FRMD4B: variants seen among roughly 807,000 people sequenced by gnomAD.
FRMD4B encodes the protein FERM domain containing 4B.
A neutral mutation model predicts 141.5 loss-of-function variants in FRMD4B; 74 were observed. That is an observed-to-expected ratio of 0.52 (90% CI 0.43 to 0.63). The LOEUF (loss-of-function observed/expected upper bound fraction) is 0.63, where lower values mean the gene tolerates loss of function less well. FRMD4B is among the 30% of genes least tolerant of loss of function. The pLI is 0.00. For missense variants in FRMD4B, 1,366 were observed against 1,253.4 expected (o/e 1.09, Z -1.36); for synonymous variants, 506 against 467.9 (o/e 1.08, Z -1.05).
chr3:69,517,835 A>G (rs1436793612), intron 1 of FRMD4B, among the ~76,000 whole-genome samples: 6 of 152,318 alleles, frequency 3.9e-5, no homozygotes, highest in Non-Finnish European at 7.3e-5. Context: ...TGCACATGGT[A>G]TAAGAAACCC....
At chr3:69,354,263 A>T (rs1203996334) in intron 1 of FRMD4B, among the ~76,000 whole-genome samples, 1 of 152,204 alleles carries the variant, frequency 6.6e-6, no homozygotes, top group Admixed American at 6.6e-5. Context: ...TCATTCAGTG[A>T]ATAGGAAATA....
chr3:69,391,187 A>G (rs1341974300), intron 2 of FRMD4B, among the ~76,000 whole-genome samples: 1 of 151,760 alleles, frequency 6.6e-6, no homozygotes, highest in Non-Finnish European at 1.5e-5. Flanking sequence ...CATAACAACT[A>G]TTAATATTTT....
At chr3:69,172,627 G>T (rs566327741) in intron 22 of FRMD4B, among the ~76,000 whole-genome samples, 4 of 152,216 alleles carry the variant, frequency 2.6e-5, no homozygotes, top group Admixed American at 6.5e-5. Context: ...AGGTGGCAGG[G>T]GCACATAGGG....
At chr3:69,226,074 C>T (rs923194114) in intron 7 of FRMD4B, among the ~76,000 whole-genome samples, 6 of 152,144 alleles carry the variant, frequency 3.9e-5, no homozygotes, top group East Asian at 1.9e-4. Context: ...TTTAAGTAGA[C>T]GAGCCCCCCA....
At chr3:69,322,581 T>A (rs1485714394) in intron 1 of FRMD4B, among the ~76,000 whole-genome samples, 3 of 132,864 alleles carry the variant, frequency 2.3e-5, no homozygotes, top group African/African-American at 7.9e-5. Context: ...ATTGTTTAGA[T>A]TTTTCTCTCT....
chr3:69,314,138 CAAAAAAAAAAAAAAAAAAAAAA>C (rs57956106), intron 1 of FRMD4B, among the ~76,000 whole-genome samples: 1 of 13,166 alleles, frequency 7.6e-5, no homozygotes, highest in Non-Finnish European at 1.2e-4. Context: ...GACTCCGTCT[CAAAAAAAAAAAAAAAAAAAAAA>C]AAAAAAAAAA....
intron 1 of FRMD4B, among the ~76,000 whole-genome samples, chr3:69,330,142 T>G (rs1272570702): frequency 6.6e-6 from 1 of 151,988 alleles, no homozygotes; most frequent in Non-Finnish European, 1.5e-5. Context: ...GCTTAGCTCA[T>G]CCTGGGGCTC....
chr3:69,226,423 TA>T (rs1178567710), intron 7 of FRMD4B, among the ~76,000 whole-genome samples: 1 of 83,168 alleles, frequency 1.2e-5, no homozygotes, highest in Non-Finnish European at 2.4e-5. Flanking sequence ...ATACCACATT[TA>T]CTTTTTTTTT....
chr3:69,350,545 T>C (rs920919473), intron 1 of FRMD4B, among the ~76,000 whole-genome samples: 1 of 152,154 alleles, frequency 6.6e-6, no homozygotes, highest in African/African-American at 2.4e-5. Flanking sequence ...TGTGACACTA[T>C]TCACAATAGC....
chr3:69,234,717 T>C (rs2093332975), intron 7 of FRMD4B, among the ~76,000 whole-genome samples: 1 of 152,162 alleles, frequency 6.6e-6, no homozygotes, highest in African/African-American at 2.4e-5. Context: ...GCATCAACAT[T>C]ATCGGATGAC....
intron 12 of FRMD4B, chr3:69,198,414 A>T (rs1000506818): frequency 1.0e-5 from 4 of 381,144 alleles, no homozygotes; most frequent in African/African-American, 2.0e-5. Context: ...TAAACTATAC[A>T]TGCACACAAA....
At chr3:69,302,844 G>A (rs1249873897) in intron 3 of FRMD4B, among the ~76,000 whole-genome samples, 1 of 152,064 alleles carries the variant, frequency 6.6e-6, no homozygotes, top group Non-Finnish European at 1.5e-5. Context: ...AGGCCGAGGC[G>A]GGCAGATCAC....
rs200522020 is a variant in FRMD4B at position 69,275,426 on chromosome 3, TTCTC to T, written c.501+12322_501+12325del. On this transcript the variant is annotated intron_variant, in intron 5 of 22. Transcript: ENST00000398540. ...AAAAGTGATCAGCAAAATGTTTTTATTCTCTCTCTCTCTCTCTTTTTTTTTTTTT... is the reference window on the plus strand; with the variant it reads ...AAAAGTGATCAGCAAAATGTTTTTATTCTCTCTCTCTCTTTTTTTTTTTTT... Among the ~76,000 whole-genome samples, 155 of 140,494 alleles carry T rather than the reference TTCTC, an allele frequency of 1.1e-3. 2 individuals carry two copies. Among genetic ancestry groups the T allele is most frequent in the African/African-American group, 3.8e-3 (145 of 38,522 alleles). The allele number at this position is 140,494 out of a possible 152,430, so 92.2% of individuals were successfully genotyped here.
At chr3:69,355,685 C>T (rs1044274030) in intron 1 of FRMD4B, among the ~76,000 whole-genome samples, 1 of 152,046 alleles carries the variant, frequency 6.6e-6, no homozygotes, top group African/African-American at 2.4e-5. Flanking sequence ...TGGGTAAGCT[C>T]AGGTTATGGT....
chr3:69,310,708 G>A (rs1414078425), intron 3 of FRMD4B, among the ~76,000 whole-genome samples: 8 of 151,036 alleles, frequency 5.3e-5, no homozygotes, highest in Non-Finnish European at 1.2e-4. Flanking sequence ...CATATATATT[G>A]TTGACAAATA....
chr3:69,199,129 G>A lies in FRMD4B; in HGVS notation c.877-355C>T, dbSNP rs946704867. ...ACTAAAAATACAAAAAAAATTAGCC[G>A]GGCGTGCTGGTGGGTGCCTGTAGTC... On this transcript the variant is annotated intron_variant, in intron 11 of 22. Transcript: ENST00000398540. The A allele has an allele frequency of 5.2e-5, 10 of 192,884 alleles. No individual in the cohort carries two copies. In the South Asian group the frequency reaches 8.3e-4, roughly 16 times the overall value. The allele number at this position is 192,884 out of a possible 1,614,324, so 11.9% of individuals were successfully genotyped here. A position where few individuals can be genotyped will look rare whatever the true frequency, so the allele number is the denominator to read the frequency against.
chr3:69,212,472 G>T (rs1262609908), intron 11 of FRMD4B, among the ~76,000 whole-genome samples: 8 of 150,112 alleles, frequency 5.3e-5, no homozygotes, highest in Admixed American at 5.3e-4. Context: ...TTTTGGAACT[G>T]AAATAAAAAA....
intron 1 of FRMD4B, among the ~76,000 whole-genome samples, chr3:69,525,423 C>G (rs1700917330): frequency 6.6e-6 from 1 of 152,164 alleles, no homozygotes; most frequent in African/African-American, 2.4e-5. Flanking sequence ...GATGGAGTCA[C>G]TGTTGAAAAG....
chr3:69,186,504 G>C (rs2092769358), intron 19 of FRMD4B, among the ~76,000 whole-genome samples: 1 of 152,092 alleles, frequency 6.6e-6, no homozygotes, highest in South Asian at 2.1e-4. Flanking sequence ...CTGAGGTCAG[G>C]AGTTCAAGAC....
Sources: allele counts gnomAD v4.1 joint callset (sites outside exome capture counted in the v4.1 genomes callset), GRCh38; gene constraint gnomAD v4.1.1; transcripts MANE v1.5; gene names NCBI Gene and HGNC (gene_info 2026-07-23, HGNC 2026-07-21).